RABGAP1L: variants seen among roughly 807,000 people sequenced by gnomAD.
The protein encoded by RABGAP1L is rab GTPase-activating protein 1-like.
RABGAP1L carries 63 observed loss-of-function variants against 137.7 expected under a neutral mutation model. That is an observed-to-expected ratio of 0.46 (90% CI 0.37 to 0.56). The LOEUF (loss-of-function observed/expected upper bound fraction) is 0.56, where lower values mean the gene tolerates loss of function less well. Among genes scored for constraint, RABGAP1L ranks in the 20% least tolerant of loss-of-function variants. The pLI is 0.00. For missense variants in RABGAP1L, 1,095 were observed against 1,244.0 expected, an observed-to-expected ratio of 0.88 and a Z score of 1.80; for synonymous variants, 431 against 433.7, an observed-to-expected ratio of 0.99 and a Z score of 0.08.
intron 18 of RABGAP1L, among the ~76,000 whole-genome samples, chr1:174,752,955 G>A (rs1348807049): frequency 6.6e-6 from 1 of 152,150 alleles, no homozygotes; most frequent in Non-Finnish European, 1.5e-5. Flanking sequence ...GCTGGTTTTT[G>A]TCCTTCAGTC....
At chr1:174,253,996 G>T (rs957891029) in intron 7 of RABGAP1L, among the ~76,000 whole-genome samples, 3 of 152,092 alleles carry the variant, frequency 2.0e-5, no homozygotes, top group Non-Finnish European at 4.4e-5. Context: ...CTCTAGACTG[G>T]GATGAGGGTG....
At chr1:174,906,333 A>T (rs1159434120) in intron 19 of RABGAP1L, among the ~76,000 whole-genome samples, 2 of 152,170 alleles carry the variant, frequency 1.3e-5, no homozygotes, top group Non-Finnish European at 1.5e-5. Context: ...AGCTTATTCA[A>T]AAAATAATAA....
chr1:174,892,263 G>A (rs1227520619), intron 19 of RABGAP1L, among the ~76,000 whole-genome samples: 2 of 152,208 alleles, frequency 1.3e-5, no homozygotes, highest in Admixed American at 6.5e-5. Flanking sequence ...AACTCAGCCC[G>A]GGACACAGCA....
At chr1:174,374,137 A>G (rs941083593) in intron 12 of RABGAP1L, among the ~76,000 whole-genome samples, 1 of 152,208 alleles carries the variant, frequency 6.6e-6, no homozygotes, top group Non-Finnish European at 1.5e-5. Flanking sequence ...ATGTAATGGT[A>G]GCGTATGCAT....
chr1:174,758,072 T>C (rs1684909029), intron 18 of RABGAP1L, among the ~76,000 whole-genome samples: 1 of 152,174 alleles, frequency 6.6e-6, no homozygotes, highest in Non-Finnish European at 1.5e-5. Flanking sequence ...GTTTTTGGCT[T>C]TTCAGCCCTT....
chr1:174,548,106 G>A (rs1666169791), intron 13 of RABGAP1L: 16 of 1,537,080 alleles, frequency 1.0e-5, no homozygotes, highest in Non-Finnish European at 1.3e-5. Flanking sequence ...TTGCATGGGA[G>A]GTTGCAGTTT....
chr1:174,754,849 A>G (rs1296189524), intron 18 of RABGAP1L, among the ~76,000 whole-genome samples: 1 of 152,238 alleles, frequency 6.6e-6, no homozygotes, highest in African/African-American at 2.4e-5. Context: ...GTATAGCTAC[A>G]GAGAGACTTC....
At chr1:174,257,822 CAG>C (rs1673251180) in intron 7 of RABGAP1L, among the ~76,000 whole-genome samples, 1 of 152,142 alleles carries the variant, frequency 6.6e-6, no homozygotes, top group African/African-American at 2.4e-5. Flanking sequence ...TTAATTGACA[CAG>C]AAGAGTTGTA....
In RABGAP1L at chr1:174,201,825, C is replaced by T. The variant is rs542473897; in HGVS notation, c.-33-17300C>T. Among the ~76,000 whole-genome samples, 17 of 131,790 alleles carry T rather than the reference C, an allele frequency of 1.3e-4. No homozygotes were observed. In the South Asian group the frequency reaches 1.9e-3, roughly 15 times the overall value. 86.5% of individuals were successfully genotyped at this position (131,790 alleles called of 152,430 possible). A position where few individuals can be genotyped will look rare whatever the true frequency, so the allele number is the denominator to read the frequency against. On this transcript the variant is annotated intron_variant, in intron 1 of 25. Transcript: ENST00000681986. ...CCTCCCCCCACCCCACAACAGTCCC[C>T]GGTGTGTAATGTTCCCCTTCCTGTG...
At chr1:174,892,387 G>T (rs1656327713) in intron 19 of RABGAP1L, 2 of 372,808 alleles carry the variant, frequency 5.4e-6, no homozygotes, top group Non-Finnish European at 5.1e-6. Context: ...TCTATTTCCA[G>T]CTCCACCACT....
chr1:174,783,661 G>T lies in RABGAP1L; in HGVS notation c.2212-28171G>T, dbSNP rs569813796. 5.3e-5 allele frequency among the ~76,000 whole-genome samples: 8 copies of T among 149,948 alleles called. No homozygotes were observed. The South Asian group carries it at 1.5e-3, about 28-fold the overall frequency. On this transcript the variant is annotated intron_variant, in intron 18 of 25. Coordinates refer to ENST00000681986, the MANE Select transcript of RABGAP1L (RefSeq NM_001366446.1). ...GCCATTCTCTGTTGATAATTGAGAG[G>T]TTACTGAACATCTTTGCATCTTTGA...
intron 1 of RABGAP1L, among the ~76,000 whole-genome samples, chr1:174,179,000 A>G (rs1414115560): frequency 6.6e-6 from 1 of 152,224 alleles, no homozygotes; most frequent in East Asian, 1.9e-4. Context: ...AAAGTAAAAC[A>G]AACAAAAACA....
At chr1:174,299,529 C>T (rs1169968035) in intron 10 of RABGAP1L, among the ~76,000 whole-genome samples, 2 of 152,174 alleles carry the variant, frequency 1.3e-5, no homozygotes, top group African/African-American at 2.4e-5. Context: ...AGCTATATTG[C>T]CATAAGAAGG....
At chr1:174,902,739 C>G (rs1379672932) in intron 19 of RABGAP1L, among the ~76,000 whole-genome samples, 1 of 152,180 alleles carries the variant, frequency 6.6e-6, no homozygotes, top group East Asian at 1.9e-4. Flanking sequence ...GGTGGAGTTT[C>G]TTTTGGCTCT....
intron 14 of RABGAP1L, among the ~76,000 whole-genome samples, chr1:174,672,952 G>A (rs1677297375): frequency 6.6e-6 from 1 of 152,120 alleles, no homozygotes; most frequent in Non-Finnish European, 1.5e-5. Context: ...GGAACATACA[G>A]GCTACTGTAT....
intron 20 of RABGAP1L, among the ~76,000 whole-genome samples, chr1:174,967,337 T>TC (rs1669725567): frequency 6.7e-6 from 1 of 148,832 alleles, no homozygotes; most frequent in Non-Finnish European, 1.5e-5. Context: ...CTAATTTTTT[T>TC]TTTTTTTTTT....
chr1:174,314,478 C>T (rs1679182149), intron 11 of RABGAP1L, among the ~76,000 whole-genome samples: 1 of 151,876 alleles, frequency 6.6e-6, no homozygotes, highest in African/African-American at 2.4e-5. Flanking sequence ...ATTGATTGTT[C>T]ATTTTTTAAA....
intron 15 of RABGAP1L, among the ~76,000 whole-genome samples, chr1:174,686,346 TC>T (rs1324018438): frequency 2.6e-5 from 4 of 152,216 alleles, no homozygotes; most frequent in Non-Finnish European, 5.9e-5. Flanking sequence ...TATGACAGTT[TC>T]TGTCTTCTTG....
chr1:174,751,239 T>A (rs1232576756), intron 17 of RABGAP1L, among the ~76,000 whole-genome samples: 10 of 152,244 alleles, frequency 6.6e-5, no homozygotes, highest in African/African-American at 2.4e-4. Context: ...ATATTTCTGG[T>A]ACCTGAATGT....
Sources: gnomAD v4.1 joint callset for allele counts (sites outside exome capture counted in the v4.1 genomes callset) on GRCh38, gnomAD v4.1.1 for gene constraint, MANE v1.5 for transcripts, NCBI Gene and HGNC (gene_info 2026-07-23, HGNC 2026-07-21) for gene names.